EFCAB7: variants seen among roughly 807,000 people sequenced by gnomAD.
The protein encoded by EFCAB7 is EF-hand calcium-binding domain-containing protein 7.
Under a neutral mutation model 77.1 loss-of-function variants are expected in EFCAB7, and 66 were observed. The ratio of observed to expected loss-of-function variants is 0.86; its 90% CI spans 0.70 to 1.05. The LOEUF is 1.05. Among genes scored for constraint, EFCAB7 ranks in the 50% least tolerant of loss-of-function variants. EFCAB7 has a pLI of 0.00. For synonymous variants in EFCAB7, 225 were observed against 243.3 expected (o/e 0.92, Z 0.70); for missense variants, 638 against 730.5 (o/e 0.87, Z 1.46).
intron 12 of EFCAB7, chr1:63,570,348 T>G (rs1239422601): frequency 1.3e-5 from 2 of 152,348 alleles, no homozygotes; most frequent in East Asian, 3.9e-4. Context: ...GAGGCCATTG[T>G]CTTTTATCTC....
At chr1:63,568,997 A>G (rs1647201891) in intron 12 of EFCAB7, 1 of 152,176 alleles carries the variant, frequency 6.6e-6, no homozygotes, top group African/African-American at 2.4e-5. Context: ...CATCAAGCTG[A>G]TTATTTCTAC....
At chr1:63,583,287 C>T in the EFCAB7 span, among the ~76,000 whole-genome samples, 2 of 152,184 alleles carry the variant, frequency 1.3e-5, no homozygotes, top group Admixed American at 1.3e-4. Flanking sequence ...AAACTCTCCC[C>T]CTTCAATGCC....
At chr1:63,583,470 T>C in the EFCAB7 span, among the ~76,000 whole-genome samples, 1 of 152,282 alleles carries the variant, frequency 6.6e-6, no homozygotes, top group East Asian at 1.9e-4. Context: ...ACAGTTTTTT[T>C]GATCTGGCAC....
rs1646514111 is a variant in EFCAB7, at chr1:63,523,541, A to G, written c.-95A>G. 3 of 264,898 alleles carry G rather than the reference A, an allele frequency of 1.1e-5. No individual in the cohort carries two copies. The highest frequency in any genetic ancestry group is 2.3e-5 in the Non-Finnish European group (3 of 133,288). The allele number at this position is 264,898 out of a possible 1,614,324, so 16.4% of individuals were successfully genotyped here. A position where few individuals can be genotyped will look rare whatever the true frequency, so the allele number is the denominator to read the frequency against. Reference sequence around the variant, plus strand: ...GTGAGGTGCAGTTGCCATGGTGATTAGAGAAAGGCCGAGATCTGTCCAGCT... The same window carrying G: ...GTGAGGTGCAGTTGCCATGGTGATTGGAGAAAGGCCGAGATCTGTCCAGCT... On this transcript the variant is annotated 5_prime_UTR_variant, in exon 1 of 14. Coordinates refer to ENST00000371088, the MANE Select transcript of EFCAB7 (RefSeq NM_032437.4).
chr1:63,565,476 G>A (rs760645418), intron 11 of EFCAB7, among the ~76,000 whole-genome samples: 6 of 152,248 alleles, frequency 3.9e-5, no homozygotes, highest in Admixed American at 6.5e-5. Flanking sequence ...TAGGCATGGG[G>A]AAAGATTTCA....
intron 12 of EFCAB7, chr1:63,569,257 A>G (rs750006414): frequency 2.0e-5 from 3 of 152,214 alleles, no homozygotes; most frequent in Non-Finnish European, 2.9e-5. Flanking sequence ...ACCTGAGAAT[A>G]TATTATGTAA....
At chr1:63,524,390 A>G (rs1313101226) in intron 1 of EFCAB7, among the ~76,000 whole-genome samples, 2 of 152,182 alleles carry the variant, frequency 1.3e-5, no homozygotes, top group East Asian at 3.9e-4. Context: ...TGTAATATGA[A>G]AGTGTCAGGC....
At chr1:63,549,027 A>T (rs1353858213) in intron 7 of EFCAB7, 1 of 213,430 alleles carries the variant, frequency 4.7e-6, no homozygotes, top group African/African-American at 2.4e-5. Context: ...CCTATCCAAG[A>T]GTATAGCGCC....
At chr1:63,540,966 T>G (rs962183161) in intron 6 of EFCAB7, among the ~76,000 whole-genome samples, 4 of 152,146 alleles carry the variant, frequency 2.6e-5, no homozygotes, top group Admixed American at 2.6e-4. Flanking sequence ...ATACATTCAT[T>G]AACACTCACA....
intron 1 of EFCAB7, among the ~76,000 whole-genome samples, chr1:63,524,178 C>T (rs1378875645): frequency 6.6e-6 from 1 of 152,162 alleles, no homozygotes; most frequent in African/African-American, 2.4e-5. Flanking sequence ...GAGGACGATC[C>T]TAAAATATAC....
chr1:63,576,782 G>A (rs1226301431), downstream of EFCAB7, among the ~76,000 whole-genome samples: 1 of 152,026 alleles, frequency 6.6e-6, no homozygotes, highest in Non-Finnish European at 1.5e-5. Flanking sequence ...TTTGCAGTGA[G>A]CTGAGATCAC....
chr1:63,551,004 A>G (rs1286378102), intron 7 of EFCAB7: 1 of 152,234 alleles, frequency 6.6e-6, no homozygotes, highest in Non-Finnish European at 1.5e-5. Context: ...TGGGTCTAAC[A>G]TTCAGAGGAA....
Position 63,532,700 on chromosome 1 carries a change from A to G in EFCAB7, c.430A>G (p.Asn144Asp). The change falls in exon 4 of 14, where the codon AAT (asparagine) becomes GAT (aspartate). Residue 144 changes from asparagine to aspartate, a missense_variant. Asn to Asp is a conservative substitution (Grantham distance 23, BLOSUM62 1). Transcript: ENST00000371088. ...RGEKMTREEV[N>D]AIINLADVNA... Reference sequence around the variant, plus strand: ...TGAGAAGATGACTCGAGAAGAAGTAAATGCCATAATAAATTTGGCTGATGT... The same window carrying G: ...TGAGAAGATGACTCGAGAAGAAGTAGATGCCATAATAAATTTGGCTGATGT... The G allele has an allele frequency of 1.2e-6, 2 of 1,604,620 alleles. No individual in the cohort carries two copies. The highest frequency in any genetic ancestry group is 1.3e-5 in the African/African-American group (1 of 74,282).
intron 12 of EFCAB7, chr1:63,570,220 A>G (rs1647221666): frequency 6.6e-6 from 1 of 152,044 alleles, no homozygotes; most frequent in Non-Finnish European, 1.5e-5. Context: ...ACATTATACT[A>G]CCCCCTTTAT....
At chr1:63,524,294 A>C (rs908527827) in intron 1 of EFCAB7, among the ~76,000 whole-genome samples, 1 of 152,252 alleles carries the variant, frequency 6.6e-6, no homozygotes, top group African/African-American at 2.4e-5. Flanking sequence ...ATATGTGTTT[A>C]GAACTCTGAT....
At position 63,531,821 on chromosome 1, in the gene EFCAB7, T is replaced by C; in HGVS notation, c.189T>C (p.Ala63=). ...AATAATACTTGTCTTGTTGGGCAGC[T>C]CTTCAGCATGCAGGAAGAAATCCAT... The part of the protein sequence containing the change: ...NIISKDQLYL[A]LQHAGRNPSQ... The change falls in exon 3 of 14, where the codon GCT becomes GCC. Residue 63 remains alanine (A), a splice_region_variant and synonymous_variant. Transcript: ENST00000371088. 1.2e-6 allele frequency: 2 copies of C among 1,610,756 alleles called. No individual in the cohort carries two copies. Among genetic ancestry groups the C allele is most frequent in the Non-Finnish European group, 1.7e-6 (2 of 1,178,820 alleles).
chr1:63,570,893 C>A, intron 12 of EFCAB7, 128 bp from the exon 13 acceptor site: 1 of 486,222 alleles, frequency 2.1e-6, no homozygotes, highest in Non-Finnish European at 3.5e-6. Flanking sequence ...AAAGAAGTAG[C>A]CAATTTGTAT....
In EFCAB7 at chr1:63,557,227, A is replaced by G. The variant is rs1466295208; in HGVS notation, c.1328A>G (p.Asp443Gly). The part of the protein sequence containing the change: ...LRTSGEKCDE[D>G]AWAVCRENFD... ...ACAAGTGGTGAGAAATGTGATGAAG[A>G]TGCTTGGGCTGTCTGCAGAGGTAAG... The change falls in exon 10 of 14, where the codon GAT (aspartate) becomes GGT (glycine). Residue 443 changes from aspartate (D) to glycine (G), a missense_variant. Coordinates refer to ENST00000371088, the MANE Select transcript of EFCAB7 (RefSeq NM_032437.4). The G allele has an allele frequency of 6.2e-7, 1 of 1,608,736 alleles. No homozygotes were observed. Among genetic ancestry groups the G allele is most frequent in the Non-Finnish European group, 8.5e-7 (1 of 1,178,830 alleles).
intron 7 of EFCAB7, chr1:63,548,286 T>A (rs1399845970): frequency 6.6e-6 from 1 of 152,216 alleles, no homozygotes; most frequent in Non-Finnish European, 1.5e-5. Context: ...AGGAAGAGGT[T>A]TCTTTTTGCC....
Sources: allele counts gnomAD v4.1 joint callset (sites outside exome capture counted in the v4.1 genomes callset), GRCh38; gene constraint gnomAD v4.1.1; transcripts MANE v1.5; gene names NCBI Gene and HGNC (gene_info 2026-07-23, HGNC 2026-07-21).